The following MGAM variants were observed in gnomAD, a reference collection of about 807,000 sequenced individuals.
The protein encoded by MGAM is maltase-glucoamylase.
Under a neutral mutation model 358.8 loss-of-function variants are expected in MGAM, and 253 were observed. That is an observed-to-expected ratio of 0.71 (90% confidence interval 0.64 to 0.78). MGAM has a LOEUF of 0.78. Among genes scored for constraint, MGAM ranks in the 30% least tolerant of loss-of-function variants. The probability of loss-of-function intolerance (pLI) is 0.00; values close to 1 mark genes in which losing one functional copy is unlikely to be tolerated. For synonymous variants in MGAM, 1,105 were observed against 1,227.1 expected, an observed-to-expected ratio of 0.90 and a Z score of 2.08; for missense variants, 3,080 against 3,432.6, an observed-to-expected ratio of 0.90 and a Z score of 2.57.
At chr7:142,098,048 C>T (rs1216199709) in intron 66 of MGAM, among the ~76,000 whole-genome samples, 1 of 152,100 alleles carries the variant, frequency 6.6e-6, no homozygotes, top group Middle Eastern at 3.4e-3. Context: ...GCCTTTTTGT[C>T]TCTGTCTTTT....
intron 43 of MGAM, among the ~76,000 whole-genome samples, chr7:142,069,118 CTT>C (rs1452941816): frequency 6.8e-6 from 1 of 146,198 alleles, no homozygotes; most frequent in East Asian, 2.0e-4. Flanking sequence ...CGTTTTGTCT[CTT>C]TTGATTAAAT....
chr7:142,087,012 T>G (rs541671293), intron 57 of MGAM, among the ~76,000 whole-genome samples: 4 of 100,550 alleles, frequency 4.0e-5, no homozygotes, highest in African/African-American at 1.6e-4. Context: ...GCTGTCAGAT[T>G]ACAAAGGCCC....
intron 1 of MGAM, among the ~76,000 whole-genome samples, chr7:141,996,159 G>T (rs1189892035): frequency 1.3e-5 from 2 of 151,958 alleles, no homozygotes; most frequent in Admixed American, 1.3e-4. Context: ...AATTAGCCGG[G>T]CATGGTGGCG....
chr7:142,101,594 G>A lies in MGAM; in HGVS notation c.7963+704G>A, dbSNP rs76343617. Among the ~76,000 whole-genome samples, 24 of 151,974 alleles carry A rather than the reference G, an allele frequency of 1.6e-4. 1 individual carries two copies. The East Asian group carries it at 4.6e-3, about 29-fold the overall frequency. The stretch of plus-strand genomic sequence containing the variant: ...GGGATAGCCAGTGGCAACTGACTGA[G>A]TGGTGAGTCATTTAGAAAAGGGCCA... On this transcript the variant is annotated intron_variant, in intron 68 of 70. Coordinates refer to ENST00000475668, the MANE Select transcript of MGAM (RefSeq NM_001365693.1).
chr7:142,038,453 G>A lies in MGAM; in HGVS notation c.2232-78G>A, dbSNP rs1442360881. On this transcript the variant is annotated intron_variant, in intron 18 of 70. Coordinates refer to ENST00000475668, the MANE Select transcript of MGAM (RefSeq NM_001365693.1). ...GCAGACGGCCTGCATGCTTTCAACA[G>A]GTTGTGTGTGAGTAGAGCTGCTACA... 4.5e-6 allele frequency: 5 copies of A among 1,118,534 alleles called. No individual in the cohort carries two copies. In the Admixed American group the frequency reaches 1.1e-4, roughly 24 times the overall value. The allele number at this position is 1,118,534 out of a possible 1,614,324, so 69.3% of individuals were successfully genotyped here. A position where few individuals can be genotyped will look rare whatever the true frequency, so the allele number is the denominator to read the frequency against.
At chr7:142,009,923 G>T (rs992991309) in intron 3 of MGAM, among the ~76,000 whole-genome samples, 24 of 152,122 alleles carry the variant, frequency 1.6e-4, no homozygotes, top group Non-Finnish European at 2.9e-4. Flanking sequence ...GAAAGAGGAT[G>T]GTGGGAAGAA....
At chr7:141,990,556 T>C (rs1584877189) in intron 2 of MGAM, among the ~76,000 whole-genome samples, 2 of 152,202 alleles carry the variant, frequency 1.3e-5, no homozygotes, top group East Asian at 3.9e-4. Context: ...AATCTCTGCA[T>C]TGTGGCTCCA....
chr7:142,044,295 A>G (rs184128958), intron 21 of MGAM, among the ~76,000 whole-genome samples: 1 of 95,224 alleles, frequency 1.1e-5, no homozygotes, highest in Non-Finnish European at 2.5e-5. Context: ...GACATATAAT[A>G]TATACTATAT....
rs1378917228 is a variant in MGAM, at chr7:142,041,926, ATAATATATATATTATATATATACAT to A, written c.2498+1081_2498+1105del. ...TATATTATATATATACGTATAATATATAATATATATATTATATATATACATATATATAATATATATATATTATATA... is the reference window on the plus strand; with the variant it reads ...TATATTATATATATACGTATAATATAATATATAATATATATATATTATATA... On this transcript the variant is annotated intron_variant, in intron 21 of 70. Coordinates refer to ENST00000475668, the MANE Select transcript of MGAM (RefSeq NM_001365693.1). Among the ~76,000 whole-genome samples, 153 of 29,892 alleles carry A rather than the reference ATAATATATATATTATATATATACAT, an allele frequency of 5.1e-3. 5 individuals carry two copies. The highest frequency in any genetic ancestry group is 0.022 in the East Asian group (33 of 1,522). 19.6% of individuals were successfully genotyped at this position (29,892 alleles called of 152,430 possible). A position where few individuals can be genotyped will look rare whatever the true frequency, so the allele number is the denominator to read the frequency against.
rs1811960632 is a variant in MGAM, at chr7:142,059,970, T to C, written c.4059+4T>C. The C allele has an allele frequency of 6.3e-7, 1 of 1,596,342 alleles. No homozygotes were observed. The highest frequency in any genetic ancestry group is 1.1e-5 in the South Asian group (1 of 87,874). On this transcript the variant is annotated splice_donor_region_variant and intron_variant, in intron 33 of 70. Coordinates refer to ENST00000475668, the MANE Select transcript of MGAM (RefSeq NM_001365693.1). ...TGGAGACATTGTCTGGGGAAAGGTA[T>C]AATCCTAAGCGATGATCCACTAGTC...
rs782601336 is a variant in MGAM, at chr7:142,027,240, T to C, written c.1095+13T>C. ...AGAATATCTAGAGGTAAACTTAGGA[T>C]GTCAAGATTATGACTCAGGAAATCC... On this transcript the variant is annotated intron_variant, in intron 9 of 70. Coordinates refer to ENST00000475668, the MANE Select transcript of MGAM (RefSeq NM_001365693.1). 2 of 1,576,202 alleles carry C rather than the reference T, an allele frequency of 1.3e-6. No individual in the cohort carries two copies. The highest frequency in any genetic ancestry group is 8.7e-7 in the Non-Finnish European group (1 of 1,145,864).
intron 57 of MGAM, 133 bp from the exon 58 acceptor site, chr7:142,091,780 A>G: frequency 1.0e-6 from 1 of 957,602 alleles, no homozygotes. Flanking sequence ...AGTTAATAAC[A>G]TTATTTAGGC....
intron 1 of MGAM, among the ~76,000 whole-genome samples, chr7:142,005,077 T>C (rs1327634981): frequency 2.6e-5 from 4 of 151,994 alleles, no homozygotes; most frequent in African/African-American, 7.2e-5. Context: ...TATTAAAAAA[T>C]ACATAACAGA....
At chr7:142,076,495 T>G in intron 46 of MGAM, 164 bp from the exon 47 acceptor site, 4 of 875,858 alleles carry the variant, frequency 4.6e-6, no homozygotes, top group Non-Finnish European at 5.6e-6. Flanking sequence ...ATTAGAGGAT[T>G]ATCAAACTAA....
chr7:142,099,584 A>C lies in MGAM; in HGVS notation c.7750-29A>C, dbSNP rs755862299. ...TCAGGGAGGGGCCTGTCCTCTCCTT[A>C]GTCATCTCTTACCTTCTTCTGCCTC... On this transcript the variant is annotated intron_variant, in intron 66 of 70. Transcript: ENST00000475668. The C allele has an allele frequency of 6.4e-5, 104 of 1,613,600 alleles. 1 individual carries two copies. In the South Asian group the frequency reaches 1.1e-3, roughly 17 times the overall value.
upstream of MGAM, among the ~76,000 whole-genome samples, chr7:141,994,935 G>T (rs1330906191): frequency 2.0e-5 from 3 of 152,210 alleles, no homozygotes; most frequent in African/African-American, 7.2e-5. Context: ...TTATAGAAGT[G>T]TGAAAACAGA....
In MGAM at chr7:142,083,304, T is replaced by G. The variant is rs746665240; in HGVS notation, c.6272T>G (p.Val2091Gly). ...TAGCATTTTTCTTCATTTTCAGATG[T>G]GACGTTCCAGCCCCTGCCTGCCTTG... is the stretch of plus-strand genomic sequence containing the variant. ...VLLLNSNAMD[V>G]TFQPLPALTY... Residue 2091 changes from valine to glycine, a missense_variant, in exon 53 of 71, where the codon GTG becomes GGG. Val to Gly is a moderately radical substitution (Grantham distance 109). Around this residue, in one of 5 missense-constraint regions of MGAM, gnomAD observed 932 missense variants for 1,198.2 expected, o/e 0.78. Transcript: ENST00000475668. 25 of 1,547,540 alleles carry G rather than the reference T, an allele frequency of 1.6e-5. 6 individuals are homozygous for G. In the Admixed American group the frequency reaches 2.3e-4, roughly 14 times the overall value.
chr7:142,038,655 C>G, intron 19 of MGAM, 40 bp downstream of exon 19: 1 of 1,420,350 alleles, frequency 7.0e-7, no homozygotes, highest in Non-Finnish European at 9.6e-7. Flanking sequence ...ATCTCTGCAT[C>G]TGTATCTGCT....
intron 26 of MGAM, among the ~76,000 whole-genome samples, chr7:142,053,285 T>C (rs998049444): frequency 2.0e-5 from 3 of 151,848 alleles, no homozygotes; most frequent in Non-Finnish European, 2.9e-5. Context: ...GACTAGACAG[T>C]GGAATGCAGG....
Sources: gnomAD v4.1 joint callset for allele counts (sites outside exome capture counted in the v4.1 genomes callset) on GRCh38, gnomAD v4.1.1 for gene constraint, gnomAD v4.1.1 regional missense constraint, MANE v1.5 for transcripts, NCBI Gene and HGNC (gene_info 2026-07-23, HGNC 2026-07-21) for gene names.